The following PRKAG2 variants were observed in gnomAD, a reference collection of about 807,000 sequenced individuals.
PRKAG2 encodes the protein protein kinase AMP-activated non-catalytic subunit gamma 2.
In PRKAG2, 26 loss-of-function variants were observed where a neutral mutation model predicts 69.6. The ratio of observed to expected loss-of-function variants is 0.37; its 90% confidence interval spans 0.27 to 0.52. The LOEUF (loss-of-function observed/expected upper bound fraction) is 0.52, where lower values mean the gene tolerates loss of function less well. PRKAG2 is among the 20% of genes least tolerant of loss of function. The probability of loss-of-function intolerance (pLI) is 0.90; values close to 1 mark genes in which losing one functional copy is unlikely to be tolerated. For missense variants in PRKAG2, 557 were observed against 740.0 expected, an observed-to-expected ratio of 0.75 and a Z score of 2.87; for synonymous variants, 293 against 285.0, an observed-to-expected ratio of 1.03 and a Z score of -0.28.
rs560477065 is a variant in PRKAG2 at position 151,836,838 on chromosome 7, A to G, written c.114+39669T>C. Among the ~76,000 whole-genome samples the G allele has an allele frequency of 1.3e-5, 2 of 152,306 alleles. No homozygotes were observed. Among genetic ancestry groups the G allele is most frequent in the East Asian group, 3.9e-4 (2 of 5,182 alleles). ...CAAATTCACTTAGGACTAAGAAGCC[A>G]CTGAGAATATTCAGTTCTTGGATCA... On this transcript the variant is annotated intron_variant, in intron 1 of 15. Transcript: ENST00000287878. This position sits in a 1 kb window ranked among gnomAD's most constrained non-coding sequence, Gnocchi z 4.1.
intron 3 of PRKAG2, among the ~76,000 whole-genome samples, chr7:151,743,911 T>C (rs1435917367): frequency 1.3e-5 from 2 of 152,150 alleles, no homozygotes; most frequent in Non-Finnish European, 2.9e-5. Flanking sequence ...TCCCGTTCAC[T>C]CTAATACTTG....
Position 151,632,267 on chromosome 7 carries a change from A to G in PRKAG2, c.685-129T>C, listed in dbSNP as rs2151326651. ...GCCGGGAGGAGGGGCCTGGCAGGGG[A>G]CGCGGGCAGCGGGGGCCGGGGGCGG... On this transcript the variant is annotated intron_variant, in intron 4 of 15. Coordinates refer to ENST00000287878, the MANE Select transcript of PRKAG2 (RefSeq NM_016203.4). This position sits in a 1 kb window ranked among gnomAD's most constrained non-coding sequence, Gnocchi z 4.2. 9.7e-7 allele frequency: 1 copy of G among 1,029,778 alleles called. No individual in the cohort carries two copies. Among genetic ancestry groups the G allele is most frequent in the Non-Finnish European group, 1.2e-6 (1 of 859,198 alleles). The allele number at this position is 1,029,778 out of a possible 1,614,324, so 63.8% of individuals were successfully genotyped here. A position where few individuals can be genotyped will look rare whatever the true frequency, so the allele number is the denominator to read the frequency against.
chr7:151,765,549 G>A (rs7780421), intron 3 of PRKAG2, among the ~76,000 whole-genome samples: 103,122 of 152,016 alleles, frequency 0.68, 35,737 homozygotes, highest in East Asian at 0.94. Context: ...GGGCATCCCC[G>A]TCTCAGCTCC....
At chr7:151,827,738 C>A (rs1266660406) in intron 1 of PRKAG2, among the ~76,000 whole-genome samples, 1 of 78,722 alleles carries the variant, frequency 1.3e-5, no homozygotes, top group African/African-American at 5.1e-5. Flanking sequence ...CTTGAGGTGG[C>A]CTTAGGTAAA....
intron 5 of PRKAG2, among the ~76,000 whole-genome samples, chr7:151,599,745 C>T (rs1815547373): frequency 6.6e-6 from 1 of 152,176 alleles, no homozygotes; most frequent in African/African-American, 2.4e-5. Flanking sequence ...AATGCTGGCT[C>T]ACCCGCCCCT....
intron 14 of PRKAG2, among the ~76,000 whole-genome samples, chr7:151,563,613 TCTG>T (rs1805572628): frequency 6.6e-6 from 1 of 152,222 alleles, no homozygotes; most frequent in South Asian, 2.1e-4. Context: ...AGGGTCTTGC[TCTG>T]CTGTCGAGAC....
At position 151,688,239 on chromosome 7, in the gene PRKAG2, C is replaced by A. The variant is rs944997866; in HGVS notation, c.467-12602G>T. 3.3e-5 allele frequency among the ~76,000 whole-genome samples: 5 copies of A among 152,184 alleles called. No individual in the cohort carries two copies. The East Asian group carries it at 9.7e-4, about 29-fold the overall frequency. On this transcript the variant is annotated intron_variant, in intron 3 of 15. Transcript: ENST00000287878. ...GGGCCAGAATATTCCTGGGCAGGAG[C>A]CCCCCCAGGTGGCCCATCCTGCCTG...
At chr7:151,584,178 G>A (rs1585046178) in intron 6 of PRKAG2, among the ~76,000 whole-genome samples, 2 of 152,184 alleles carry the variant, frequency 1.3e-5, no homozygotes, top group Middle Eastern at 3.4e-3. Flanking sequence ...GTACTCCTTC[G>A]ACTTCAGAAG....
At chr7:151,650,021 A>G (rs1156348645) in intron 4 of PRKAG2, among the ~76,000 whole-genome samples, 1 of 152,126 alleles carries the variant, frequency 6.6e-6, no homozygotes, top group Non-Finnish European at 1.5e-5. Context: ...AAGCGTAATG[A>G]CTACTTGGTA....
chr7:151,597,827 C>T (rs58726285), intron 5 of PRKAG2, among the ~76,000 whole-genome samples: 12 of 149,158 alleles, frequency 8.0e-5, no homozygotes, highest in Admixed American at 8.0e-4. Flanking sequence ...GGAGCCCCCC[C>T]CCCCGCTCTT....
At position 151,781,573 on chromosome 7, in the gene PRKAG2, C is replaced by T; in HGVS notation, c.187-142G>A. The T allele has an allele frequency of 9.1e-7, 1 of 1,100,142 alleles. No homozygotes were observed. The highest frequency in any genetic ancestry group is 2.6e-5 in the East Asian group (1 of 38,628). 68.1% of individuals were successfully genotyped at this position (1,100,142 alleles called of 1,614,324 possible). On this transcript the variant is annotated intron_variant, in intron 2 of 15. Transcript: ENST00000287878. The surrounding 1 kb of genome is among the most constrained non-coding windows in gnomAD (Gnocchi z 6.1). ...CCAGAGAAACAGCCCTAAGCTCTTCCACAGAGGTAGCCACTGAATGGTCTG... is the reference window on the plus strand; with the variant it reads ...CCAGAGAAACAGCCCTAAGCTCTTCTACAGAGGTAGCCACTGAATGGTCTG...
chr7:151,870,734 C>A (rs920300932), intron 1 of PRKAG2, among the ~76,000 whole-genome samples: 1 of 152,232 alleles, frequency 6.6e-6, no homozygotes, highest in Non-Finnish European at 1.5e-5. Context: ...GTGCAAAGGT[C>A]CCAGGCCATC....
intron 13 of PRKAG2, 194 bp from the exon 14 acceptor site, chr7:151,564,418 A>G: frequency 1.7e-6 from 1 of 573,770 alleles, no homozygotes; most frequent in Admixed American, 2.9e-5. Context: ...TATCAATCAC[A>G]ATTAAAGATA....
chr7:151,606,650 T>C (rs1817625409), intron 5 of PRKAG2, among the ~76,000 whole-genome samples: 1 of 151,938 alleles, frequency 6.6e-6, no homozygotes, highest in Non-Finnish European at 1.5e-5. Flanking sequence ...TGAATCCCCA[T>C]CTCTATGAAA....
At position 151,814,406 on chromosome 7, in the gene PRKAG2, G is replaced by T; in HGVS notation, c.115-27865C>A. 1 of 1,225,930 alleles carries T rather than the reference G, an allele frequency of 8.2e-7. No homozygotes were observed. Among genetic ancestry groups the T allele is most frequent in the Non-Finnish European group, 1.0e-6 (1 of 984,878 alleles). The allele number at this position is 1,225,930 out of a possible 1,614,324, so 75.9% of individuals were successfully genotyped here. The stretch of plus-strand genomic sequence containing the variant: ...GCATTTAGAAAGCCAGCTCCCGCAG[G>T]TCTGCTTACTCAGCCCCAAGGGGTC... On this transcript the variant is annotated intron_variant, in intron 1 of 15. Coordinates refer to ENST00000287878, the MANE Select transcript of PRKAG2 (RefSeq NM_016203.4). This position sits in a 1 kb window ranked among gnomAD's most constrained non-coding sequence, Gnocchi z 4.8.
rs548154663 is a variant in PRKAG2, at chr7:151,667,695, T to C, written c.684+7725A>G. 1.1e-3 allele frequency among the ~76,000 whole-genome samples: 169 copies of C among 152,322 alleles called. 1 individual carries two copies. The highest frequency in any genetic ancestry group is 2.1e-3 in the Non-Finnish European group (143 of 68,026). On this transcript the variant is annotated intron_variant, in intron 4 of 15. Transcript: ENST00000287878. ...ACCTTGCATATACTTCTGTCTCTCT[T>C]GGAACCCTGTCACAGGCATTTGAAC...
At position 151,751,650 on chromosome 7, in the gene PRKAG2, C is replaced by T. The variant is rs2074700011; in HGVS notation, c.466+29502G>A. Among the ~76,000 whole-genome samples the T allele has an allele frequency of 2.0e-5, 3 of 151,798 alleles. No homozygotes were observed. In the South Asian group the frequency reaches 6.3e-4, roughly 32 times the overall value. ...ACTCCCAAGTACCTGGGACGACAGG[C>T]ACATGTCTCCATGCCCAGCTATTTT... On this transcript the variant is annotated intron_variant, in intron 3 of 15. Coordinates refer to ENST00000287878, the MANE Select transcript of PRKAG2 (RefSeq NM_016203.4).
At chr7:151,839,641 C>T (rs559299799) in intron 1 of PRKAG2, among the ~76,000 whole-genome samples, 1 of 152,346 alleles carries the variant, frequency 6.6e-6, no homozygotes, top group Non-Finnish European at 1.5e-5. Context: ...ATGGAGACGC[C>T]GCCTCGGGCC....
intron 5 of PRKAG2, among the ~76,000 whole-genome samples, chr7:151,625,331 G>A (rs1563287255): frequency 1.3e-5 from 2 of 152,170 alleles, no homozygotes; most frequent in South Asian, 4.1e-4. Context: ...GAGCAAGGCA[G>A]TTTGAGGAAG....
Sources: gnomAD v4.1 joint callset for allele counts (sites outside exome capture counted in the v4.1 genomes callset) on GRCh38, gnomAD v4.1.1 for gene constraint, Gnocchi (gnomAD v3.1) non-coding constraint, MANE v1.5 for transcripts, NCBI Gene and HGNC (gene_info 2026-07-23, HGNC 2026-07-21) for gene names.